Variants in CAPN2 observed in about 807,000 individuals in gnomAD.
CAPN2 encodes calpain-2 catalytic subunit.
A neutral mutation model predicts 102.3 loss-of-function variants in CAPN2; 92 were observed. The ratio of observed to expected loss-of-function variants is 0.90; its 90% CI spans 0.76 to 1.07. The LOEUF (loss-of-function observed/expected upper bound fraction) is 1.07, where lower values mean the gene tolerates loss of function less well. Ranked by LOEUF, CAPN2 falls within the 50% of genes least tolerant of loss-of-function variation. The pLI is 0.00. For synonymous variants in CAPN2, 340 were observed against 355.4 expected (o/e 0.96, Z 0.49); for missense variants, 800 against 909.4 (o/e 0.88, Z 1.55).
chr1:223,764,704 T>C (rs1661270541), intron 15 of CAPN2, among the ~76,000 whole-genome samples: 1 of 152,224 alleles, frequency 6.6e-6, no homozygotes, highest in Admixed American at 6.5e-5. Flanking sequence ...TCCACCTGCC[T>C]TGGCCTCCCA....
intron 2 of CAPN2, among the ~76,000 whole-genome samples, chr1:223,729,879 T>C (rs1403979983): frequency 1.3e-5 from 2 of 151,848 alleles, no homozygotes; most frequent in African/African-American, 2.4e-5. Context: ...GGTGTATGCC[T>C]GTAGTCCCAG....
In CAPN2 at chr1:223,759,339, G is replaced by A; in HGVS notation, c.1387G>A (p.Asp463Asn). The A allele has an allele frequency of 6.2e-7, 1 of 1,614,208 alleles. No homozygotes were observed. The highest frequency in any genetic ancestry group is 8.5e-7 in the Non-Finnish European group (1 of 1,180,038). Residue 463 changes from aspartate (D) to asparagine (N), a missense_variant, in exon 12 of 21, where the codon GAC becomes AAC. Physicochemically the swap from Asp to Asn is conservative, Grantham distance 23 (BLOSUM62 1). Transcript: ENST00000295006. The surrounding 1 kb of genome is among the most constrained non-coding windows in gnomAD (Gnocchi z 4.6). ...FLTNRARERS[D>N]TFINLREVLN... ...GACGAATCGCGCCAGGGAGCGCTCA[G>A]ACACCTTCATCAACCTCCGGGAGGT...
intron 15 of CAPN2, among the ~76,000 whole-genome samples, chr1:223,765,662 A>G (rs1661293951): frequency 6.0e-5 from 2 of 33,288 alleles, no homozygotes; most frequent in African/African-American, 4.4e-4. Flanking sequence ...GGAGGGCTCC[A>G]CACCAGAGTC....
chr1:223,757,195 A>G (rs544395810), intron 10 of CAPN2, among the ~76,000 whole-genome samples, 174 bp from the exon 11 acceptor site: 1 of 152,236 alleles, frequency 6.6e-6, no homozygotes, highest in African/African-American at 2.4e-5. Flanking sequence ...ACATAAGAGG[A>G]TTTTCTTCAG....
In CAPN2 at chr1:223,748,587, G is replaced by A. The variant is rs79397864; in HGVS notation, c.730-452G>A. ...ACGGAGCATGGGCTGGTGGTGGGGC[G>A]AGGGTGTGCTCAGTGTCCCTGGGCC... On this transcript the variant is annotated intron_variant, in intron 5 of 20. Transcript: ENST00000295006. 7.8e-3 allele frequency among the ~76,000 whole-genome samples: 1,192 copies of A among 152,308 alleles called. 13 individuals are homozygous for A. Among genetic ancestry groups the A allele is most frequent in the African/African-American group, 0.027 (1,116 of 41,564 alleles).
At chr1:223,743,574 C>A (rs1465636167) in intron 2 of CAPN2, among the ~76,000 whole-genome samples, 1 of 152,148 alleles carries the variant, frequency 6.6e-6, no homozygotes, top group Non-Finnish European at 1.5e-5. Flanking sequence ...TCACTGCAGC[C>A]TTGAAATCCT....
upstream of CAPN2, among the ~76,000 whole-genome samples, chr1:223,711,997 C>A (rs1169075264): frequency 6.6e-6 from 1 of 152,160 alleles, no homozygotes; most frequent in Non-Finnish European, 1.5e-5. Context: ...GGCTTAGAGT[C>A]CCTGTTCTGC....
chr1:223,770,251 G>A (rs1661438461), intron 17 of CAPN2, 196 bp from the exon 18 acceptor site: 1 of 596,608 alleles, frequency 1.7e-6, no homozygotes, highest in East Asian at 2.8e-5. Context: ...GATTTGATGG[G>A]CATATTTACA....
rs1661548028 is a variant in CAPN2, at chr1:223,773,939, T to C, written c.2080-895T>C. 2.0e-5 allele frequency among the ~76,000 whole-genome samples: 3 copies of C among 152,030 alleles called. No individual in the cohort carries two copies. In the South Asian group the frequency reaches 6.2e-4, roughly 32 times the overall value. On this transcript the variant is annotated intron_variant, in intron 20 of 20. Coordinates refer to ENST00000295006, the MANE Select transcript of CAPN2 (RefSeq NM_001748.5). ...GACCCAGCTACCCAGGAGGCTAAGG[T>C]GGGAGGAACACCTGAGCCCAGAAGT...
chr1:223,766,828 C>T (rs1015920227), intron 16 of CAPN2, among the ~76,000 whole-genome samples: 37 of 152,138 alleles, frequency 2.4e-4, no homozygotes, highest in Admixed American at 6.5e-4. Flanking sequence ...GGTGTGGTGG[C>T]GGGCACCTGT....
chr1:223,704,597 G>A (rs79738988), intron 1 of CAPN2, among the ~76,000 whole-genome samples: 185 of 152,236 alleles, frequency 1.2e-3, no homozygotes, highest in Non-Finnish European at 2.0e-3. Context: ...ACTGAGTCAC[G>A]GTCCGTGTGA....
At chr1:223,720,315 C>CTTTTTTTTTTT (rs35138708) in intron 2 of CAPN2, among the ~76,000 whole-genome samples, 15 of 107,466 alleles carry the variant, frequency 1.4e-4, no homozygotes, top group South Asian at 3.0e-4. Context: ...CTCTTTCTCT[C>CTTTTTTTTTTT]TTTTTTTTTT....
chr1:223,772,354 G>T lies in CAPN2; in HGVS notation c.2079+115G>T. 3 of 813,418 alleles carry T rather than the reference G, an allele frequency of 3.7e-6. No individual in the cohort carries two copies. In the South Asian group the frequency reaches 4.5e-5, roughly 12 times the overall value. The allele number at this position is 813,418 out of a possible 1,614,324, so 50.4% of individuals were successfully genotyped here. On this transcript the variant is annotated intron_variant, in intron 20 of 20. Coordinates refer to ENST00000295006, the MANE Select transcript of CAPN2 (RefSeq NM_001748.5). ...TTTTGCTTTAAAGAGCTCTTGGTCT[G>T]TCGGGGCCAGGCCTGTAACCGGTTG...
rs1183187801 is a variant in CAPN2, at chr1:223,712,578, G to C, written c.-63G>C. On this transcript the variant is annotated 5_prime_UTR_variant, in exon 1 of 21. Coordinates refer to ENST00000295006, the MANE Select transcript of CAPN2 (RefSeq NM_001748.5). ...CGCGCCGGGCCCTGGCCGCGCCCCAGCCGAGCGCAGCGCGGAGTCGCCCCG... is the reference window on the plus strand; with the variant it reads ...CGCGCCGGGCCCTGGCCGCGCCCCACCCGAGCGCAGCGCGGAGTCGCCCCG... The C allele has an allele frequency of 4.2e-6, 6 of 1,421,936 alleles. No individual in the cohort carries two copies. The highest frequency in any genetic ancestry group is 5.5e-6 in the Non-Finnish European group (6 of 1,088,856). The allele number at this position is 1,421,936 out of a possible 1,614,324, so 88.1% of individuals were successfully genotyped here. A position where few individuals can be genotyped will look rare whatever the true frequency, so the allele number is the denominator to read the frequency against.
At position 223,746,385 on chromosome 1, in the gene CAPN2, C is replaced by T. The variant is rs1036016083; in HGVS notation, c.561-612C>T. 4.6e-5 allele frequency among the ~76,000 whole-genome samples: 7 copies of T among 151,884 alleles called. No individual in the cohort carries two copies. The South Asian group carries it at 1.5e-3, about 32-fold the overall frequency. ...CCAAACGACCCATTAGTAGACCTCC[C>T]CTTTCTTGTCAGGATGTAGAAGGAA... is the stretch of plus-strand genomic sequence containing the variant. On this transcript the variant is annotated intron_variant, in intron 4 of 20. Coordinates refer to ENST00000295006, the MANE Select transcript of CAPN2 (RefSeq NM_001748.5).
At chr1:223,702,192 G>A (rs564808050) in intron 1 of CAPN2, among the ~76,000 whole-genome samples, 24 of 151,988 alleles carry the variant, frequency 1.6e-4, no homozygotes, top group African/African-American at 2.7e-4. Flanking sequence ...TTGGGAGGCC[G>A]AGGTGGGTGG....
chr1:223,742,553 T>A (rs898607251), intron 2 of CAPN2, among the ~76,000 whole-genome samples: 7 of 147,332 alleles, frequency 4.8e-5, no homozygotes, highest in Non-Finnish European at 1.0e-4. Flanking sequence ...GGTCTTGCTC[T>A]TCTGTCACCC....
chr1:223,765,274 C>T (rs1345447794), intron 15 of CAPN2, among the ~76,000 whole-genome samples: 1 of 152,216 alleles, frequency 6.6e-6, no homozygotes, highest in Non-Finnish European at 1.5e-5. Context: ...CCAGGGCCAG[C>T]TGGGTCTTCC....
chr1:223,772,422 C>A (rs962005969), intron 20 of CAPN2, 183 bp downstream of exon 20: 2 of 563,374 alleles, frequency 3.6e-6, no homozygotes, highest in African/African-American at 3.7e-5. Context: ...GTTTTCCAAC[C>A]ACCTATTCTC....
Sources: allele counts gnomAD v4.1 joint callset (sites outside exome capture counted in the v4.1 genomes callset), GRCh38; gene constraint gnomAD v4.1.1; non-coding constraint Gnocchi (gnomAD v3.1); transcripts MANE v1.5; gene names NCBI Gene and HGNC (gene_info 2026-07-23, HGNC 2026-07-21).